RPTOR: variants seen among roughly 807,000 people sequenced by gnomAD.
RPTOR encodes the protein regulatory-associated protein of mTOR.
Under a neutral mutation model 169.9 loss-of-function variants are expected in RPTOR, and 21 were observed. The observed-to-expected ratio is 0.12, with a 90% CI of 0.09 to 0.18. RPTOR has a LOEUF of 0.18. Ranked by LOEUF, RPTOR falls within the 10% of genes least tolerant of loss-of-function variation. RPTOR has a pLI of 1.00. For synonymous variants in RPTOR, 732 were observed against 753.2 expected, an observed-to-expected ratio of 0.97 and a Z score of 0.46; for missense variants, 1,133 against 1,855.9, an observed-to-expected ratio of 0.61 and a Z score of 7.16.
intron 13 of RPTOR, among the ~76,000 whole-genome samples, chr17:80,869,342 T>C (rs1481535882): frequency 6.6e-6 from 1 of 152,080 alleles, no homozygotes; most frequent in Non-Finnish European, 1.5e-5. Context: ...ATGTTTTCAG[T>C]GGACGAGGTT....
intron 2 of RPTOR, among the ~76,000 whole-genome samples, chr17:80,634,287 T>C (rs1416751485): frequency 6.8e-6 from 1 of 147,634 alleles, no homozygotes. Context: ...ACTGTGTGTG[T>C]GCGTACTGTG....
intron 3 of RPTOR, among the ~76,000 whole-genome samples, chr17:80,692,768 A>G (rs2066003713): frequency 6.6e-6 from 1 of 152,198 alleles, no homozygotes; most frequent in African/African-American, 2.4e-5. Flanking sequence ...TGGCTGGATT[A>G]CTTTTTAAAA....
intron 14 of RPTOR, among the ~76,000 whole-genome samples, chr17:80,883,118 G>A (rs1298085202): frequency 1.3e-5 from 2 of 152,156 alleles, no homozygotes; most frequent in South Asian, 2.1e-4. Context: ...GCTTCATACC[G>A]ACAGCCACGG....
chr17:80,921,126 CTGT>C (rs1291194055), intron 21 of RPTOR, among the ~76,000 whole-genome samples: 1 of 152,210 alleles, frequency 6.6e-6, no homozygotes, highest in Non-Finnish European at 1.5e-5. Flanking sequence ...CCTTGGTGTT[CTGT>C]TGGCTGAATT....
intron 1 of RPTOR, among the ~76,000 whole-genome samples, chr17:80,561,389 A>G (rs1261664406): frequency 1.3e-5 from 2 of 151,642 alleles, no homozygotes; most frequent in Non-Finnish European, 2.9e-5. Context: ...GATTATAGGC[A>G]TGAGCCACGC....
intron 7 of RPTOR, chr17:80,802,464 C>G (rs1365355036): frequency 6.6e-6 from 1 of 152,330 alleles, no homozygotes; most frequent in Non-Finnish European, 1.5e-5. Context: ...GTGGCGTGTA[C>G]CTGTAGTCCC....
intron 6 of RPTOR, among the ~76,000 whole-genome samples, chr17:80,764,521 A>G (rs1022042431): frequency 2.0e-5 from 3 of 151,790 alleles, no homozygotes; most frequent in African/African-American, 7.3e-5. Flanking sequence ...ATAGTATTCC[A>G]TGGTGTATAT....
At position 80,962,507 on chromosome 17, in the gene RPTOR, G is replaced by A. The variant is rs1598428580; in HGVS notation, c.3739G>A (p.Val1247Ile). ...RIFDPRMPES[V>I]NVLQIVKGLT... The stretch of plus-strand genomic sequence containing the variant: ...CTTTGATCCCCGGATGCCTGAGTCG[G>A]TAAATGTGCTTCAGATCGTGAAGGG... Residue 1247 changes from valine (V) to isoleucine (I), a missense_variant, in exon 32 of 34, where the codon GTA becomes ATA. Val to Ile is a conservative substitution (Grantham distance 29, BLOSUM62 3). This residue lies in a region of RPTOR where 410 missense variants were observed against 623.7 expected (regional missense o/e 0.66). Transcript: ENST00000306801. The A allele has an allele frequency of 1.2e-6, 2 of 1,613,962 alleles. No homozygotes were observed. The highest frequency in any genetic ancestry group is 1.3e-5 in the African/African-American group (1 of 75,046).
chr17:80,953,912 G>A (rs1416213669), intron 28 of RPTOR, among the ~76,000 whole-genome samples: 4 of 152,224 alleles, frequency 2.6e-5, no homozygotes, highest in Admixed American at 6.5e-5. Context: ...GATCCACCAC[G>A]GCGCTCGTGC....
At chr17:80,661,382 A>G (rs974039627) in intron 3 of RPTOR, among the ~76,000 whole-genome samples, 1 of 152,208 alleles carries the variant, frequency 6.6e-6, no homozygotes, top group African/African-American at 2.4e-5. Flanking sequence ...CGCTGACGCC[A>G]GGCCAGCTCT....
In RPTOR at chr17:80,695,139, G is replaced by A. The variant is rs2066025648; in HGVS notation, c.349-12702G>A. Among the ~76,000 whole-genome samples, 1 of 152,126 alleles carries A rather than the reference G, an allele frequency of 6.6e-6. No individual in the cohort carries two copies. The highest frequency in any genetic ancestry group is 1.5e-5 in the Non-Finnish European group (1 of 68,030). On this transcript the variant is annotated intron_variant, in intron 3 of 33. Transcript: ENST00000306801. The surrounding 1 kb of genome is among the most constrained non-coding windows in gnomAD (Gnocchi z 4.9). ...CTCCTGTTTGTGAGGCAGGAGCGAT[G>A]GCAGTGCCCACTGCATGGTGGTAAG...
intron 20 of RPTOR, among the ~76,000 whole-genome samples, chr17:80,905,553 G>A (rs1033770317): frequency 2.1e-4 from 31 of 150,984 alleles, no homozygotes; most frequent in Non-Finnish European, 3.8e-4. Context: ...CCGGGATCGC[G>A]CTGCTGCACT....
At chr17:80,632,985 A>G (rs1297038974) in intron 2 of RPTOR, among the ~76,000 whole-genome samples, 2 of 152,002 alleles carry the variant, frequency 1.3e-5, no homozygotes, top group Non-Finnish European at 1.5e-5. Context: ...TTTTATGGAG[A>G]CAGGGTCTCA....
At chr17:80,881,268 A>G (rs567479381) in intron 14 of RPTOR, among the ~76,000 whole-genome samples, 70 of 152,328 alleles carry the variant, frequency 4.6e-4, no homozygotes, top group African/African-American at 1.4e-3. Flanking sequence ...AAACAGGACT[A>G]TTTTCCAAAA....
chr17:80,910,562 G>A (rs1054349505), intron 21 of RPTOR, among the ~76,000 whole-genome samples: 1 of 152,146 alleles, frequency 6.6e-6, no homozygotes, highest in Non-Finnish European at 1.5e-5. Context: ...GTTGCCTCGG[G>A]TATCACTCAG....
intron 9 of RPTOR, among the ~76,000 whole-genome samples, chr17:80,832,030 G>A (rs1231691758): frequency 6.6e-6 from 1 of 152,262 alleles, no homozygotes; most frequent in African/African-American, 2.4e-5. Flanking sequence ...TGAGGAAGAT[G>A]TTGGTGCCTG....
intron 3 of RPTOR, among the ~76,000 whole-genome samples, chr17:80,652,162 T>A (rs1340364587): frequency 6.7e-6 from 1 of 149,180 alleles, no homozygotes; most frequent in African/African-American, 2.5e-5. Flanking sequence ...AGAGCGAGAC[T>A]CCATCTTAAA....
intron 10 of RPTOR, among the ~76,000 whole-genome samples, chr17:80,839,507 T>C (rs1413985741): frequency 6.6e-6 from 1 of 152,234 alleles, no homozygotes; most frequent in Non-Finnish European, 1.5e-5. Context: ...CGTCATGTGC[T>C]TGGCATCAAC....
At chr17:80,704,076 G>A (rs186287678) in intron 3 of RPTOR, among the ~76,000 whole-genome samples, 4 of 152,278 alleles carry the variant, frequency 2.6e-5, no homozygotes, top group East Asian at 1.9e-4. Context: ...TTGCTGCTGC[G>A]CTGATTTGAA....
Sources: allele counts gnomAD v4.1 joint callset (sites outside exome capture counted in the v4.1 genomes callset), GRCh38; gene constraint gnomAD v4.1.1; regional missense constraint gnomAD v4.1.1; non-coding constraint Gnocchi (gnomAD v3.1); transcripts MANE v1.5; gene names NCBI Gene and HGNC (gene_info 2026-07-23, HGNC 2026-07-21).